Variants in MTA3 observed in about 807,000 individuals in gnomAD.
MTA3 encodes metastasis-associated protein MTA3.
A neutral mutation model predicts 83.5 loss-of-function variants in MTA3; 34 were observed. The observed-to-expected ratio is 0.41, with a 90% CI of 0.31 to 0.54. MTA3 has a LOEUF of 0.54. Ranked by LOEUF, MTA3 falls within the 20% of genes least tolerant of loss-of-function variation. The pLI is 0.33. For missense variants in MTA3, 761 were observed against 726.4 expected (o/e 1.05, Z -0.55); for synonymous variants, 303 against 252.7 (o/e 1.20, Z -1.89).
chr2:42,695,234 A>G lies in MTA3; in HGVS notation c.892-531A>G, dbSNP rs111621409. Reference sequence around the variant, plus strand: ...GTGTTGTATTCACATTCCATACTGAATATGACTTGTTTGGGGTACCGTTTG... The same window carrying G: ...GTGTTGTATTCACATTCCATACTGAGTATGACTTGTTTGGGGTACCGTTTG... On this transcript the variant is annotated intron_variant, in intron 9 of 16. Transcript: ENST00000405094. 3.8e-3 allele frequency among the ~76,000 whole-genome samples: 574 copies of G among 152,338 alleles called. 3 individuals are homozygous for G. Among genetic ancestry groups the G allele is most frequent in the African/African-American group, 0.012 (506 of 41,574 alleles).
At chr2:42,578,216 A>T (rs1679255349) in intron 2 of MTA3, among the ~76,000 whole-genome samples, 2 of 152,178 alleles carry the variant, frequency 1.3e-5, no homozygotes, top group Admixed American at 1.3e-4. Context: ...TCACAATAGC[A>T]TTTTATTATA....
intron 2 of MTA3, chr2:42,533,362 T>G (rs1676066588): frequency 6.6e-6 from 1 of 151,528 alleles, no homozygotes; most frequent in African/African-American, 2.4e-5. Flanking sequence ...GTGCTGGGAT[T>G]ACAGGTGTGA....
At chr2:42,590,204 T>C (rs1680803120) in intron 3 of MTA3, among the ~76,000 whole-genome samples, 1 of 152,122 alleles carries the variant, frequency 6.6e-6, no homozygotes, top group Non-Finnish European at 1.5e-5. Context: ...TCCAAACTCA[T>C]GTTGAGATTT....
chr2:42,695,453 G>A (rs547618494), intron 9 of MTA3, among the ~76,000 whole-genome samples: 1 of 151,788 alleles, frequency 6.6e-6, no homozygotes, highest in South Asian at 2.1e-4. Context: ...TAACCAACAT[G>A]GTGAAACCTT....
chr2:42,586,836 A>G (rs1194205175), intron 3 of MTA3, among the ~76,000 whole-genome samples: 5 of 152,194 alleles, frequency 3.3e-5, no homozygotes, highest in African/African-American at 7.2e-5. Context: ...CATCCTGGCC[A>G]ACATGGTGAA....
At chr2:42,688,027 G>C (rs538779314) in intron 9 of MTA3, among the ~76,000 whole-genome samples, 2 of 152,166 alleles carry the variant, frequency 1.3e-5, no homozygotes, top group African/African-American at 4.8e-5. Flanking sequence ...TCATGCTGTC[G>C]TATTTTGCTA....
chr2:42,540,170 A>ATTTTTT (rs70963328), intron 2 of MTA3, among the ~76,000 whole-genome samples: 4 of 125,414 alleles, frequency 3.2e-5, no homozygotes, highest in African/African-American at 9.1e-5. Context: ...AACTTTGTAG[A>ATTTTTT]TTTTTTTTTT....
At chr2:42,558,194 G>C (rs1188841078) in intron 2 of MTA3, among the ~76,000 whole-genome samples, 1 of 149,972 alleles carries the variant, frequency 6.7e-6, no homozygotes, top group African/African-American at 2.5e-5. Context: ...ATCACTACCT[G>C]CATAGTTCTC....
At chr2:42,651,509 G>C (rs1253629706) in intron 6 of MTA3, among the ~76,000 whole-genome samples, 2 of 152,168 alleles carry the variant, frequency 1.3e-5, no homozygotes, top group Non-Finnish European at 2.9e-5. Context: ...GGCAATTGGT[G>C]CTGGGCATGG....
chr2:42,529,292 C>T (rs1171646656), intron 2 of MTA3, among the ~76,000 whole-genome samples: 2 of 152,094 alleles, frequency 1.3e-5, no homozygotes, highest in Non-Finnish European at 2.9e-5. Context: ...CTAAGCAGTC[C>T]CCAGAGGATC....
At chr2:42,687,598 G>T (rs1250618051) in intron 9 of MTA3, among the ~76,000 whole-genome samples, 4 of 152,176 alleles carry the variant, frequency 2.6e-5, no homozygotes, top group Non-Finnish European at 5.9e-5. Context: ...GGTCTTACAT[G>T]ATAACTATAT....
chr2:42,504,336 T>G (rs932514790), intron 2 of MTA3, among the ~76,000 whole-genome samples: 3 of 152,138 alleles, frequency 2.0e-5, no homozygotes, highest in Admixed American at 2.0e-4. Context: ...ACCTCCCAGG[T>G]TCACGTGATT....
intron 3 of MTA3, among the ~76,000 whole-genome samples, chr2:42,590,652 G>A (rs887733182): frequency 1.6e-5 from 2 of 127,578 alleles, no homozygotes; most frequent in Admixed American, 1.0e-4. Flanking sequence ...AGTCTCGCTC[G>A]CTCTGTCACC....
Position 42,722,873 on chromosome 2 carries a change from T to A in MTA3, c.1613-16T>A, listed in dbSNP as rs1040393527. 1 of 1,547,422 alleles carries A rather than the reference T, an allele frequency of 6.5e-7. No individual in the cohort carries two copies. Among genetic ancestry groups the A allele is most frequent in the South Asian group, 1.2e-5 (1 of 83,864 alleles). ...ATATCATGTTCTGAATTGAGAAACC[T>A]TTTTTCCCCCATCAGAGATCCATCC... On this transcript the variant is annotated splice_polypyrimidine_tract_variant and intron_variant, in intron 15 of 16. Coordinates refer to ENST00000405094, the MANE Select transcript of MTA3 (RefSeq NM_001330442.2).
chr2:42,748,194 AAT>A (rs1491157524), intron 16 of MTA3, among the ~76,000 whole-genome samples: 37 of 86,690 alleles, frequency 4.3e-4, no homozygotes, highest in Non-Finnish European at 7.9e-4. Context: ...ACATCCAGCT[AAT>A]GTGTTTGTGT....
intron 4 of MTA3, among the ~76,000 whole-genome samples, chr2:42,622,684 A>T (rs1685699382): frequency 2.7e-5 from 4 of 148,292 alleles, no homozygotes; most frequent in Admixed American, 6.7e-5. Context: ...TTGAAATGGG[A>T]TCTTGTTTTG....
chr2:42,567,856 G>T (rs1677992122), upstream of MTA3, among the ~76,000 whole-genome samples: 1 of 152,150 alleles, frequency 6.6e-6, no homozygotes, highest in East Asian at 1.9e-4. Context: ...GACAAAGGAA[G>T]CCCCTCACTC....
chr2:42,542,167 T>C (rs890181710), intron 2 of MTA3, among the ~76,000 whole-genome samples: 2 of 152,150 alleles, frequency 1.3e-5, no homozygotes, highest in African/African-American at 4.8e-5. Flanking sequence ...GACTCTTGAG[T>C]AACTGACCCA....
chr2:42,680,915 G>T (rs1691834304), intron 8 of MTA3, among the ~76,000 whole-genome samples: 1 of 151,804 alleles, frequency 6.6e-6, no homozygotes, highest in African/African-American at 2.4e-5. Context: ...CACCATGCCT[G>T]TTTTTTTGTA....
Sources: gnomAD v4.1 joint callset for allele counts (sites outside exome capture counted in the v4.1 genomes callset) on GRCh38, gnomAD v4.1.1 for gene constraint, MANE v1.5 for transcripts, NCBI Gene and HGNC (gene_info 2026-07-23, HGNC 2026-07-21) for gene names.